COL11A1: variants seen among roughly 807,000 people sequenced by gnomAD.
The protein encoded by COL11A1 is collagen type XI alpha 1 chain, also known as collagen alpha-1(XI) chain.
COL11A1 carries 74 observed loss-of-function variants against 265.2 expected under a neutral mutation model. The observed-to-expected ratio is 0.28, with a 90% CI of 0.23 to 0.34. COL11A1 has a LOEUF of 0.34. Ranked by LOEUF, COL11A1 falls within the 10% of genes least tolerant of loss-of-function variation. The pLI is 1.00. For synonymous variants in COL11A1, 816 were observed against 727.6 expected, an observed-to-expected ratio of 1.12 and a Z score of -1.96; for missense variants, 2,165 against 2,263.6, an observed-to-expected ratio of 0.96 and a Z score of 0.88.
chr1:103,038,489 A>C (rs1464758283), intron 4 of COL11A1, among the ~76,000 whole-genome samples: 5 of 151,282 alleles, frequency 3.3e-5, no homozygotes, highest in Admixed American at 6.6e-5. Flanking sequence ...AGAGAGCGAG[A>C]GAGAGAGAGA....
intron 4 of COL11A1, among the ~76,000 whole-genome samples, chr1:103,060,666 A>C (rs1463709731): frequency 6.6e-6 from 1 of 152,162 alleles, no homozygotes. Context: ...GTGTAAGTTC[A>C]TATTTAAAAA....
intron 20 of COL11A1, among the ~76,000 whole-genome samples, chr1:103,003,623 A>G (rs1665335545): frequency 6.6e-6 from 1 of 152,218 alleles, no homozygotes; most frequent in Non-Finnish European, 1.5e-5. Context: ...TCAATCAGAT[A>G]TACTACATAA....
At chr1:103,020,810 C>G (rs1407191882) in intron 9 of COL11A1, among the ~76,000 whole-genome samples, 2 of 134,416 alleles carry the variant, frequency 1.5e-5, no homozygotes, top group Non-Finnish European at 3.2e-5. Flanking sequence ...CTATATATGG[C>G]TAGCCAGTTT....
intron 37 of COL11A1, among the ~76,000 whole-genome samples, chr1:102,969,089 C>A (rs1661708518): frequency 6.6e-6 from 1 of 152,098 alleles, no homozygotes; most frequent in Non-Finnish European, 1.5e-5. Flanking sequence ...GATATCTTTC[C>A]CAAGAGGATA....
At chr1:102,912,263 C>G in intron 53 of COL11A1, 51 bp from the exon 54 acceptor site, 1 of 1,470,072 alleles carries the variant, frequency 6.8e-7, no homozygotes, top group Non-Finnish European at 9.3e-7. Context: ...TATTTTGTGG[C>G]CCACATAAAT....
At chr1:103,057,294 AT>A (rs1175750352) in intron 4 of COL11A1, among the ~76,000 whole-genome samples, 2 of 152,172 alleles carry the variant, frequency 1.3e-5, no homozygotes, top group Non-Finnish European at 2.9e-5. Flanking sequence ...GAAGCAACTC[AT>A]CTGTTCAAGT....
chr1:103,077,711 G>A (rs1672084258), intron 3 of COL11A1, among the ~76,000 whole-genome samples: 1 of 151,922 alleles, frequency 6.6e-6, no homozygotes, highest in African/African-American at 2.4e-5. Context: ...AATTTAATAA[G>A]CATTAATTTC....
At chr1:103,023,402 T>A (rs1200421719) in intron 7 of COL11A1, among the ~76,000 whole-genome samples, 1 of 150,940 alleles carries the variant, frequency 6.6e-6, no homozygotes, top group Admixed American at 6.6e-5. Context: ...GGAGTTTCAC[T>A]CTTGTTGTGC....
intron 13 of COL11A1, among the ~76,000 whole-genome samples, 175 bp downstream of exon 13, chr1:103,014,336 A>G (rs1666381667): frequency 6.6e-6 from 1 of 152,196 alleles, no homozygotes; most frequent in South Asian, 2.1e-4. Flanking sequence ...TTTTCAATTA[A>G]TAAACATTAC....
At chr1:103,018,978 C>A in intron 9 of COL11A1, 119 bp from the exon 10 acceptor site, 2 of 739,548 alleles carry the variant, frequency 2.7e-6, no homozygotes, top group Admixed American at 2.5e-5. Context: ...CTATTCATAC[C>A]ACTTAAATTA....
At chr1:102,992,897 T>C (rs1190952208) in intron 28 of COL11A1, among the ~76,000 whole-genome samples, 1 of 152,140 alleles carries the variant, frequency 6.6e-6, no homozygotes, top group Non-Finnish European at 1.5e-5. Context: ...CATACTTGCA[T>C]CTTCTGAGAC....
At chr1:102,888,533 A>G (rs769726607) in intron 62 of COL11A1, 44 bp downstream of exon 62, 15 of 1,566,094 alleles carry the variant, frequency 9.6e-6, no homozygotes, top group Non-Finnish European at 1.2e-5. Context: ...GGCAGCTTCC[A>G]GATGCAAACT....
At chr1:102,922,551 C>T (rs1275677446) in intron 47 of COL11A1, among the ~76,000 whole-genome samples, 1 of 152,174 alleles carries the variant, frequency 6.6e-6, no homozygotes, top group Non-Finnish European at 1.5e-5. Context: ...CACACGCCAC[C>T]ATGCCCGGCT....
chr1:102,929,029 C>A (rs1235587351), intron 46 of COL11A1, among the ~76,000 whole-genome samples: 1 of 141,324 alleles, frequency 7.1e-6, no homozygotes, highest in Non-Finnish European at 1.5e-5. Flanking sequence ...AATTTTCTCC[C>A]ATTTTGTAGG....
chr1:102,960,840 A>G (rs1660838575), intron 41 of COL11A1, among the ~76,000 whole-genome samples: 1 of 152,162 alleles, frequency 6.6e-6, no homozygotes, highest in Admixed American at 6.6e-5. Context: ...GTGGAACTAT[A>G]GGATGGGTAT....
rs142471200 is a variant in COL11A1, at chr1:103,060,911, T to C, written c.651+13707A>G. ...TGGTGAATATTATTCTAACTATATA[T>C]ATAATTGCCTTAAATATGAATGATT... On this transcript the variant is annotated intron_variant, in intron 4 of 66. Coordinates refer to ENST00000370096, the MANE Select transcript of COL11A1 (RefSeq NM_001854.4). Among the ~76,000 whole-genome samples the C allele has an allele frequency of 1.4e-3, 206 of 152,198 alleles. 2 individuals carry two copies. Among genetic ancestry groups the C allele is most frequent in the Non-Finnish European group, 2.0e-3 (139 of 68,008 alleles).
chr1:102,924,479 A>G (rs1387522043), intron 46 of COL11A1, among the ~76,000 whole-genome samples: 3 of 152,202 alleles, frequency 2.0e-5, no homozygotes, highest in Middle Eastern at 3.2e-3. Context: ...TTGTACATTT[A>G]TAAATTTTCT....
intron 20 of COL11A1, among the ~76,000 whole-genome samples, chr1:103,004,237 A>G (rs1665391134): frequency 6.6e-6 from 1 of 152,066 alleles, no homozygotes; most frequent in Non-Finnish European, 1.5e-5. Context: ...CATTCCACAG[A>G]TTTTTCCCTC....
Position 102,983,606 on chromosome 1 carries a change from G to A in COL11A1, c.2556+532C>T, listed in dbSNP as rs371523579. 2.6e-5 allele frequency among the ~76,000 whole-genome samples: 4 copies of A among 152,126 alleles called. No homozygotes were observed. The East Asian group carries it at 7.7e-4, about 29-fold the overall frequency. On this transcript the variant is annotated intron_variant, in intron 31 of 66. Coordinates refer to ENST00000370096, the MANE Select transcript of COL11A1 (RefSeq NM_001854.4). ...GATTCTTTACTAGAAACTCTGGAGG[G>A]AGCATGGCCCTATGACACCATGATT...
Sources: allele counts gnomAD v4.1 joint callset (sites outside exome capture counted in the v4.1 genomes callset), GRCh38; gene constraint gnomAD v4.1.1; transcripts MANE v1.5; gene names NCBI Gene and HGNC (gene_info 2026-07-23, HGNC 2026-07-21).